Variants in JUP observed in about 807,000 individuals in gnomAD.
The protein encoded by JUP is catenin (cadherin-associated protein), gamma 80kDa.
In JUP, 28 loss-of-function variants were observed where a neutral mutation model predicts 71.1. The ratio of observed to expected loss-of-function variants is 0.39; its 90% CI spans 0.29 to 0.54. The LOEUF is 0.54. Among genes scored for constraint, JUP ranks in the 20% least tolerant of loss-of-function variants. JUP has a pLI of 0.62. For missense variants in JUP, 869 were observed against 1,030.1 expected, an observed-to-expected ratio of 0.84 and a Z score of 2.14; for synonymous variants, 401 against 438.9, an observed-to-expected ratio of 0.91 and a Z score of 1.08.
chr17:41,762,156 AGAGAGAGAGAGAGAGAGAGAGTGT>A (rs1227054230), intron 8 of JUP, among the ~76,000 whole-genome samples: 232 of 116,410 alleles, frequency 2.0e-3, no homozygotes, highest in African/African-American at 4.4e-3. Flanking sequence ...AGAGAGAGAG[AGAGAGAGAGAGAGAGAGAGAGTGT>A]GTGTGTGTGT....
At chr17:41,761,965 A>AG (rs1351282396) in intron 8 of JUP, among the ~76,000 whole-genome samples, 1 of 149,960 alleles carries the variant, frequency 6.7e-6, no homozygotes, top group Non-Finnish European at 1.5e-5. Flanking sequence ...ACTACTCAGG[A>AG]GGCCAAGGCA....
chr17:41,772,756 G>A, intron 1 of JUP: 1 of 967,870 alleles, frequency 1.0e-6, no homozygotes, highest in Non-Finnish European at 1.2e-6. Flanking sequence ...GGGTGGGGCA[G>A]GCCTGTGGGT....
intron 1 of JUP, among the ~76,000 whole-genome samples, chr17:41,781,456 T>G (rs1241326425): frequency 6.6e-6 from 1 of 151,548 alleles, no homozygotes; most frequent in African/African-American, 2.4e-5. Flanking sequence ...CAAAGGAGAG[T>G]GGTCCATGAG....
chr17:41,764,433 G>C (rs1191710623), intron 7 of JUP, among the ~76,000 whole-genome samples: 2 of 149,590 alleles, frequency 1.3e-5, no homozygotes, highest in African/African-American at 4.9e-5. Context: ...TACTCGGGAG[G>C]CTGAGGCAGG....
At chr17:41,757,355 G>T in intron 12 of JUP, 60 bp downstream of exon 12, 1 of 1,586,220 alleles carries the variant, frequency 6.3e-7, no homozygotes, top group Non-Finnish European at 8.7e-7. Context: ...CAAAAGTGTT[G>T]CCCATGGGCA....
chr17:41,757,353 T>G (rs1913992809), intron 12 of JUP, 62 bp downstream of exon 12: 5 of 1,585,762 alleles, frequency 3.2e-6, no homozygotes, highest in Non-Finnish European at 4.3e-6. Context: ...CCCAAAAGTG[T>G]TGCCCATGGG....
intron 8 of JUP, among the ~76,000 whole-genome samples, chr17:41,760,105 G>T (rs1338881819): frequency 1.3e-5 from 2 of 151,492 alleles, no homozygotes; most frequent in Non-Finnish European, 2.9e-5. Flanking sequence ...GGAGGTTGCA[G>T]TGAGCTGAGA....
intron 5 of JUP, among the ~76,000 whole-genome samples, chr17:41,767,003 C>T (rs1915826152): frequency 2.0e-5 from 3 of 149,820 alleles, no homozygotes; most frequent in South Asian, 4.2e-4. Context: ...GCCCTGATTA[C>T]ACCACTGCAC....
chr17:41,784,526 T>C (rs1391867078), intron 1 of JUP, among the ~76,000 whole-genome samples: 1 of 152,110 alleles, frequency 6.6e-6, no homozygotes, highest in Non-Finnish European at 1.5e-5. Flanking sequence ...GTAGCCAACA[T>C]AATTACAATG....
At chr17:41,758,913 T>C (rs782564909) in intron 8 of JUP, 43 bp from the exon 9 acceptor site, 1 of 1,573,252 alleles carries the variant, frequency 6.4e-7, no homozygotes, top group Non-Finnish European at 8.6e-7. Flanking sequence ...TTCTTGGACA[T>C]CTGAAGGATC....
intron 5 of JUP, 83 bp from the exon 6 acceptor site, chr17:41,765,150 C>A: frequency 7.5e-7 from 1 of 1,331,710 alleles, no homozygotes; most frequent in South Asian, 1.2e-5. Flanking sequence ...ACAGAACTGT[C>A]ATTACTGAGC....
At chr17:41,780,222 C>A (rs2047094026) in intron 1 of JUP, among the ~76,000 whole-genome samples, 1 of 151,866 alleles carries the variant, frequency 6.6e-6, no homozygotes, top group East Asian at 1.9e-4. Context: ...CATAGCAAGA[C>A]CCTGTCTCTA....
At chr17:41,785,462 C>G (rs1413259803) in intron 1 of JUP, among the ~76,000 whole-genome samples, 1 of 152,054 alleles carries the variant, frequency 6.6e-6, no homozygotes, top group Admixed American at 6.5e-5. Context: ...CCCCCCACCC[C>G]GGCCCCTACC....
chr17:41,768,093 G>A (rs573471844), intron 4 of JUP, among the ~76,000 whole-genome samples: 7 of 151,972 alleles, frequency 4.6e-5, no homozygotes, highest in Middle Eastern at 6.8e-3. Flanking sequence ...GTGAAACCCC[G>A]TCTCTACTAA....
chr17:41,765,101 C>T (rs782082557), intron 5 of JUP, 34 bp from the exon 6 acceptor site: 21 of 1,608,108 alleles, frequency 1.3e-5, no homozygotes, highest in Middle Eastern at 1.6e-4. Context: ...GTGAGATGGA[C>T]GGGGAATATG....
chr17:41,770,914 G>T (rs1555606619), intron 2 of JUP, among the ~76,000 whole-genome samples: 1 of 152,218 alleles, frequency 6.6e-6, no homozygotes, highest in African/African-American at 2.4e-5. Flanking sequence ...GGGGGTTCCT[G>T]GGGGCTACGG....
chr17:41,768,819 G>T, intron 4 of JUP, 150 bp downstream of exon 4: 1 of 700,632 alleles, frequency 1.4e-6, no homozygotes, highest in Non-Finnish European at 2.6e-6. Context: ...TTCCCTGCTG[G>T]GCTGTGAGCC....
chr17:41,762,920 C>T (rs1555601956), intron 8 of JUP, 63 bp downstream of exon 8: 7 of 1,445,860 alleles, frequency 4.8e-6, no homozygotes, highest in Non-Finnish European at 6.8e-6. Flanking sequence ...GCGGCTTTGC[C>T]TATACCAATA....
chr17:41,762,170 A>AGTGTGTGT (rs1567808401), intron 8 of JUP, among the ~76,000 whole-genome samples: 1 of 45,306 alleles, frequency 2.2e-5, no homozygotes, highest in African/African-American at 8.5e-5. Context: ...AGAGAGAGAG[A>AGTGTGTGT]GAGAGAGTGT....
Sources: gnomAD v4.1 joint callset for allele counts (sites outside exome capture counted in the v4.1 genomes callset) on GRCh38, gnomAD v4.1.1 for gene constraint, MANE v1.5 for transcripts, NCBI Gene and HGNC (gene_info 2026-07-23, HGNC 2026-07-21) for gene names.